PRDM6: variants seen among roughly 807,000 people sequenced by gnomAD.
PRDM6 encodes the protein PR/SET domain 6.
A neutral mutation model predicts 60.8 loss-of-function variants in PRDM6; 25 were observed. The observed-to-expected ratio is 0.41, with a 90% CI of 0.30 to 0.57. The LOEUF is 0.57. Ranked by LOEUF, PRDM6 falls within the 20% of genes least tolerant of loss-of-function variation. The pLI is 0.27. For synonymous variants in PRDM6, 407 were observed against 357.4 expected (o/e 1.14, Z -1.57); for missense variants, 839 against 821.3 (o/e 1.02, Z -0.26).
chr5:123,145,531 A>G (rs1328424386), intron 3 of PRDM6, among the ~76,000 whole-genome samples: 2 of 152,160 alleles, frequency 1.3e-5, no homozygotes, highest in Non-Finnish European at 2.9e-5. Flanking sequence ...GAGGAAACCT[A>G]TGGCAAGTAA....
At chr5:123,162,153 G>A (rs978827563) in intron 5 of PRDM6, among the ~76,000 whole-genome samples, 3 of 152,174 alleles carry the variant, frequency 2.0e-5, no homozygotes, top group African/African-American at 7.2e-5. Context: ...ACTGTGGAGT[G>A]ACCACTTAGG....
rs189567064 is a variant in PRDM6 at position 123,192,280 on chromosome 5, T to C, written c.*5079T>C. 1.4e-3 allele frequency: 208 copies of C among 152,354 alleles called. No homozygotes were observed. Among genetic ancestry groups the C allele is most frequent in the African/African-American group, 4.7e-3 (197 of 41,590 alleles). The allele number at this position is 152,354 out of a possible 1,614,324, so 9.4% of individuals were successfully genotyped here. A position where few individuals can be genotyped will look rare whatever the true frequency, so the allele number is the denominator to read the frequency against. The stretch of plus-strand genomic sequence containing the variant: ...CAAAGATACTATCATTATCCCCTTC[T>C]CATATATGCTTAACAGTTTTAGCTT... On this transcript the variant is annotated 3_prime_UTR_variant, in exon 8 of 8. Transcript: ENST00000407847.
chr5:123,147,399 T>C (rs1393832423), intron 3 of PRDM6, among the ~76,000 whole-genome samples: 1 of 152,170 alleles, frequency 6.6e-6, no homozygotes, highest in Admixed American at 6.5e-5. Context: ...GTGTTGATGT[T>C]GTGTGGACAC....
chr5:123,131,326 A>G (rs1764829664), intron 3 of PRDM6, among the ~76,000 whole-genome samples: 1 of 152,302 alleles, frequency 6.6e-6, no homozygotes, highest in African/African-American at 2.4e-5. Context: ...CCAGAAGAGT[A>G]GGTTTGGAAT....
At chr5:123,136,381 G>GCAATAT (rs1190708469) in intron 3 of PRDM6, among the ~76,000 whole-genome samples, 18 of 152,076 alleles carry the variant, frequency 1.2e-4, no homozygotes, top group Non-Finnish European at 1.9e-4. Context: ...GTGAGATATG[G>GCAATAT]GACGTTATTC....
Position 123,193,218 on chromosome 5 carries a change from A to T in PRDM6, c.*6017A>T, listed in dbSNP as rs1392804101. The T allele has an allele frequency of 7.2e-5, 11 of 152,210 alleles. No individual in the cohort carries two copies. The highest frequency in any genetic ancestry group is 7.2e-4 in the Admixed American group (11 of 15,274). 9.4% of individuals were successfully genotyped at this position (152,210 alleles called of 1,614,324 possible). A position where few individuals can be genotyped will look rare whatever the true frequency, so the allele number is the denominator to read the frequency against. On this transcript the variant is annotated 3_prime_UTR_variant, in exon 8 of 8. Transcript: ENST00000407847. ...TTGATATCTCCTGTTTCCTGCCTTG[A>T]AAAACATCCTTGTTGGTGCCTTTCT... is the stretch of plus-strand genomic sequence containing the variant.
chr5:123,171,295 T>G (rs963496583), intron 6 of PRDM6, among the ~76,000 whole-genome samples, 187 bp downstream of exon 6: 5 of 152,190 alleles, frequency 3.3e-5, no homozygotes, highest in Admixed American at 2.0e-4. Context: ...ACAGACAGGT[T>G]GGTGGCTGCA....
Position 123,099,981 on chromosome 5 carries a change from G to A in PRDM6, c.900+20G>A. 1 of 1,485,734 alleles carries A rather than the reference G, an allele frequency of 6.7e-7. No homozygotes were observed. Among genetic ancestry groups the A allele is most frequent in the Non-Finnish European group, 9.0e-7 (1 of 1,110,140 alleles). 92.0% of individuals were successfully genotyped at this position (1,485,734 alleles called of 1,614,324 possible). A position where few individuals can be genotyped will look rare whatever the true frequency, so the allele number is the denominator to read the frequency against. On this transcript the variant is annotated intron_variant, in intron 3 of 7. Coordinates refer to ENST00000407847, the MANE Select transcript of PRDM6 (RefSeq NM_001136239.4). This position sits in a 1 kb window ranked among gnomAD's most constrained non-coding sequence, Gnocchi z 4.0. The stretch of plus-strand genomic sequence containing the variant: ...TGGGAGGTAAGTGGCCGGCTGCACA[G>A]CGCCTCCCCACCGAGCAGGAGCCTT...
chr5:123,143,646 G>A (rs1007950532), intron 3 of PRDM6, among the ~76,000 whole-genome samples: 1 of 152,104 alleles, frequency 6.6e-6, no homozygotes, highest in African/African-American at 2.4e-5. Flanking sequence ...AGTGCTGGCT[G>A]CACACTTGCC....
At chr5:123,137,512 C>A (rs1296276776) in intron 3 of PRDM6, among the ~76,000 whole-genome samples, 1 of 152,124 alleles carries the variant, frequency 6.6e-6, no homozygotes, top group Admixed American at 6.5e-5. Context: ...GTATTTAAAA[C>A]CATCCTTCTG....
rs115689495 is a variant in PRDM6, at chr5:123,135,595, C to T, written c.901-20289C>T. Reference sequence around the variant, plus strand: ...CACAACATTACAACAACCACCCTCCCTCCACCCCCTGCAACTCCCTAGCCT... The same window carrying T: ...CACAACATTACAACAACCACCCTCCTTCCACCCCCTGCAACTCCCTAGCCT... On this transcript the variant is annotated intron_variant, in intron 3 of 7. Transcript: ENST00000407847. 6.4e-3 allele frequency among the ~76,000 whole-genome samples: 982 copies of T among 152,254 alleles called. 12 individuals carry two copies. The highest frequency in any genetic ancestry group is 0.023 in the African/African-American group (938 of 41,536).
intron 3 of PRDM6, among the ~76,000 whole-genome samples, chr5:123,117,171 C>T (rs1764469091): frequency 6.6e-6 from 1 of 152,120 alleles, no homozygotes; most frequent in Non-Finnish European, 1.5e-5. Flanking sequence ...CCAGGACTGC[C>T]CGGCAACCCA....
At chr5:123,143,766 G>C (rs558223062) in intron 3 of PRDM6, among the ~76,000 whole-genome samples, 2 of 151,942 alleles carry the variant, frequency 1.3e-5, no homozygotes, top group South Asian at 4.2e-4. Context: ...ATTGAAAAAT[G>C]AAAAAAATGC....
chr5:123,179,788 C>T (rs900769809), intron 6 of PRDM6, among the ~76,000 whole-genome samples: 1 of 152,132 alleles, frequency 6.6e-6, no homozygotes. Context: ...GCACAAGAGA[C>T]AATTATATAT....
rs569925816 is a variant in PRDM6 at position 123,184,125 on chromosome 5, A to G, written c.1674-2962A>G. The stretch of plus-strand genomic sequence containing the variant: ...GCAAATCAGTAAATATGCATTGAAC[A>G]CATCATACATACAAAGCCCTGTGCA... On this transcript the variant is annotated intron_variant, in intron 7 of 7. Transcript: ENST00000407847. 2.0e-5 allele frequency among the ~76,000 whole-genome samples: 3 copies of G among 152,326 alleles called. No individual in the cohort carries two copies. In the East Asian group the frequency reaches 5.8e-4, roughly 29 times the overall value.
intron 2 of PRDM6, among the ~76,000 whole-genome samples, chr5:123,093,003 T>C (rs149561893): frequency 1.2e-4 from 19 of 152,336 alleles, no homozygotes; most frequent in African/African-American, 4.6e-4. Context: ...ATTGAAAGGC[T>C]GTGAAAAACA....
At chr5:123,095,417 C>T (rs1580473574) in intron 2 of PRDM6, among the ~76,000 whole-genome samples, 1 of 152,256 alleles carries the variant, frequency 6.6e-6, no homozygotes, top group African/African-American at 2.4e-5. Context: ...CAGGCTGGAG[C>T]CCCGGGGGCG....
At chr5:123,184,006 G>A (rs1236532246) in intron 7 of PRDM6, among the ~76,000 whole-genome samples, 1 of 152,146 alleles carries the variant, frequency 6.6e-6, no homozygotes, top group Non-Finnish European at 1.5e-5. Flanking sequence ...TCAAGAAAAT[G>A]GAGTTTGGCT....
intron 5 of PRDM6, among the ~76,000 whole-genome samples, chr5:123,166,449 GTTTTTTA>G (rs1765755263): frequency 2.4e-5 from 2 of 82,348 alleles, no homozygotes; most frequent in Admixed American, 2.8e-4. Context: ...TTATGTTTTT[GTTTTTTA>G]TTTTACATTT....
Sources: gnomAD v4.1 joint callset for allele counts (sites outside exome capture counted in the v4.1 genomes callset) on GRCh38, gnomAD v4.1.1 for gene constraint, Gnocchi (gnomAD v3.1) non-coding constraint, MANE v1.5 for transcripts, NCBI Gene and HGNC (gene_info 2026-07-23, HGNC 2026-07-21) for gene names.